PDE4D: variants seen among roughly 807,000 people sequenced by gnomAD.
PDE4D encodes phosphodiesterase 4D.
Under a neutral mutation model 87.4 loss-of-function variants are expected in PDE4D, and 24 were observed. The ratio of observed to expected loss-of-function variants is 0.27; its 90% CI spans 0.20 to 0.39. PDE4D has a LOEUF of 0.39. Among genes scored for constraint, PDE4D ranks in the 10% least tolerant of loss-of-function variants. PDE4D has a pLI of 1.00. For missense variants in PDE4D, 714 were observed against 1,041.0 expected, an observed-to-expected ratio of 0.69 and a Z score of 4.32; for synonymous variants, 384 against 383.2, an observed-to-expected ratio of 1.00 and a Z score of -0.02.
intron 2 of PDE4D, among the ~76,000 whole-genome samples, chr5:59,196,491 A>G (rs879421323): frequency 4.6e-5 from 7 of 152,208 alleles, no homozygotes; most frequent in Non-Finnish European, 8.8e-5. Flanking sequence ...ATATAGGTAA[A>G]TATAGGGCTG....
chr5:59,878,515 A>G (rs2152743792), intron 1 of PDE4D, among the ~76,000 whole-genome samples: 1 of 152,300 alleles, frequency 6.6e-6, no homozygotes, highest in South Asian at 2.1e-4. Flanking sequence ...ATGTTGCTAT[A>G]TTGCCCAGGC....
At chr5:60,163,696 G>T (rs544171103) in intron 2 of PDE4D, among the ~76,000 whole-genome samples, 1 of 152,270 alleles carries the variant, frequency 6.6e-6, no homozygotes, top group Non-Finnish European at 1.5e-5. Flanking sequence ...CCCTTAACTA[G>T]CACTGCCAAG....
At chr5:59,162,246 G>A (rs773982604) in intron 5 of PDE4D, among the ~76,000 whole-genome samples, 2 of 152,190 alleles carry the variant, frequency 1.3e-5, no homozygotes, top group Non-Finnish European at 2.9e-5. Context: ...CATATAAGCA[G>A]AGAAAACTGT....
At chr5:59,371,523 A>C (rs994559695) in intron 1 of PDE4D, among the ~76,000 whole-genome samples, 3 of 152,152 alleles carry the variant, frequency 2.0e-5, no homozygotes, top group African/African-American at 7.2e-5. Flanking sequence ...CTGTATCATC[A>C]AATATTTTTC....
chr5:59,770,991 T>C (rs566880305), intron 1 of PDE4D, among the ~76,000 whole-genome samples: 6 of 151,438 alleles, frequency 4.0e-5, no homozygotes, highest in African/African-American at 1.5e-4. Context: ...AATAGCTGAG[T>C]GTGGTGGCAT....
At chr5:59,307,772 A>T (rs541124432) in intron 1 of PDE4D, among the ~76,000 whole-genome samples, 124 of 152,210 alleles carry the variant, frequency 8.1e-4, no homozygotes, top group African/African-American at 2.8e-3. Context: ...GGGACTGTCA[A>T]CTAGTTCAAC....
intron 1 of PDE4D, among the ~76,000 whole-genome samples, chr5:60,206,648 T>C (rs190923419): frequency 6.6e-6 from 1 of 152,344 alleles, no homozygotes; most frequent in African/African-American, 2.4e-5. Flanking sequence ...ATAAAATGCA[T>C]AAAACTAATA....
intron 6 of PDE4D, among the ~76,000 whole-genome samples, chr5:59,017,030 C>G (rs1344072000): frequency 6.6e-6 from 1 of 152,056 alleles, no homozygotes; most frequent in Non-Finnish European, 1.5e-5. Flanking sequence ...GGAAGAGACT[C>G]GAATGCCTAG....
intron 2 of PDE4D, among the ~76,000 whole-genome samples, chr5:60,109,562 G>A (rs6414837): frequency 0.56 from 84,642 of 150,706 alleles, 24,468 homozygotes; most frequent in African/African-American, 0.67. Context: ...ACATGCACAC[G>A]TATGTTTATT....
chr5:60,095,977 T>C (rs1775636893), intron 2 of PDE4D, among the ~76,000 whole-genome samples: 1 of 152,190 alleles, frequency 6.6e-6, no homozygotes, highest in Non-Finnish European at 1.5e-5. Flanking sequence ...AAGTTCTTTA[T>C]AGATTCTGGA....
At chr5:60,383,836 C>T (rs1762025675) in intron 1 of PDE4D, among the ~76,000 whole-genome samples, 1 of 152,120 alleles carries the variant, frequency 6.6e-6, no homozygotes, top group Non-Finnish European at 1.5e-5. Flanking sequence ...TGAATTAGCT[C>T]ATTTGGTACT....
chr5:59,150,626 T>C (rs1281935639), intron 5 of PDE4D, among the ~76,000 whole-genome samples: 4 of 152,108 alleles, frequency 2.6e-5, no homozygotes, highest in Non-Finnish European at 4.4e-5. Flanking sequence ...AAGTATTGTT[T>C]AAAAAAATGT....
chr5:59,209,173 T>C (rs192091907), intron 2 of PDE4D, among the ~76,000 whole-genome samples: 627 of 152,316 alleles, frequency 4.1e-3, no homozygotes, highest in African/African-American at 0.014. Context: ...CATAGAGATC[T>C]GATTTATCTT....
intron 2 of PDE4D, among the ~76,000 whole-genome samples, chr5:60,042,116 T>G (rs1768586151): frequency 6.6e-6 from 1 of 152,010 alleles, no homozygotes; most frequent in Non-Finnish European, 1.5e-5. Flanking sequence ...TTGAGCTTGG[T>G]GAGGGGAGGG....
chr5:59,792,837 G>A (rs903538687), intron 1 of PDE4D, among the ~76,000 whole-genome samples: 1 of 152,168 alleles, frequency 6.6e-6, no homozygotes, highest in African/African-American at 2.4e-5. Flanking sequence ...AGAAGGACAG[G>A]AACTGGTATG....
chr5:59,836,662 T>TATCTATC lies in PDE4D; in HGVS notation c.455+56505_455+56506insGATAGAT, dbSNP rs1742139887. Among the ~76,000 whole-genome samples, 8 of 141,596 alleles carry TATCTATC rather than the reference T, an allele frequency of 5.6e-5. No individual in the cohort carries two copies. The Admixed American group carries it at 5.7e-4, about 10-fold the overall frequency. 92.9% of individuals were successfully genotyped at this position (141,596 alleles called of 152,430 possible). On this transcript the variant is annotated intron_variant, in intron 1 of 14. Coordinates refer to ENST00000340635, the MANE Select transcript of PDE4D (RefSeq NM_001104631.2). Reference sequence around the variant, plus strand: ...TCTATCTATCTATCTATCTATCATCTATCTACCTATCTATCTATCTACCTA... The same window carrying TATCTATC: ...TCTATCTATCTATCTATCTATCATCTATCTATCATCTACCTATCTATCTATCTACCTA...
At chr5:59,276,700 A>AT (rs1020262241) in intron 1 of PDE4D, among the ~76,000 whole-genome samples, 29 of 151,644 alleles carry the variant, frequency 1.9e-4, no homozygotes, top group East Asian at 9.7e-4. Flanking sequence ...TCTAAACCTT[A>AT]TTTTTTTTTA....
chr5:59,803,811 A>G (rs920992556), intron 1 of PDE4D, among the ~76,000 whole-genome samples: 8 of 152,240 alleles, frequency 5.3e-5, no homozygotes, highest in Non-Finnish European at 1.2e-4. Context: ...GCTAGGAACC[A>G]TTCCACAGGA....
At chr5:59,558,409 G>A (rs751683695) in intron 1 of PDE4D, among the ~76,000 whole-genome samples, 6 of 152,008 alleles carry the variant, frequency 3.9e-5, no homozygotes, top group Admixed American at 2.6e-4. Context: ...AGTGAGCCAC[G>A]CAGATAACTG....
Sources: gnomAD v4.1 joint callset for allele counts (sites outside exome capture counted in the v4.1 genomes callset) on GRCh38, gnomAD v4.1.1 for gene constraint, MANE v1.5 for transcripts, NCBI Gene and HGNC (gene_info 2026-07-23, HGNC 2026-07-21) for gene names.